CLEC1A: variants seen among roughly 807,000 people sequenced by gnomAD.
CLEC1A encodes the protein C-type lectin-like receptor-1.
A neutral mutation model predicts 28.7 loss-of-function variants in CLEC1A; 34 were observed. The ratio of observed to expected loss-of-function variants is 1.18; its 90% CI spans 0.90 to 1.57. CLEC1A has a LOEUF of 1.57. Ranked by LOEUF, CLEC1A falls within the 40% of genes most tolerant of loss-of-function variation. The pLI is 0.00. For synonymous variants in CLEC1A, 116 were observed against 121.0 expected (o/e 0.96, Z 0.27); for missense variants, 385 against 339.5 (o/e 1.13, Z -1.05).
intron 1 of CLEC1A, among the ~76,000 whole-genome samples, chr12:10,097,588 G>A (rs571502626): frequency 2.7e-4 from 41 of 151,872 alleles, no homozygotes; most frequent in Admixed American, 4.6e-4. Context: ...GTTGCAGCTA[G>A]TGTTTTATCT....
Position 10,098,984 on chromosome 12 carries a change from G to T in CLEC1A, c.-62C>A, listed in dbSNP as rs1445215537. ...GATTGCCCTGGGCCGCCGGGCTACT[G>T]TGAGCTAGTTCAGGAAGCAAGGCAC... is the stretch of plus-strand genomic sequence containing the variant. On this transcript the variant is annotated 5_prime_UTR_variant, in exon 1 of 6. Coordinates refer to ENST00000315330, the MANE Select transcript of CLEC1A (RefSeq NM_016511.4). 2.5e-6 allele frequency: 3 copies of T among 1,211,612 alleles called. No homozygotes were observed. In the African/African-American group the frequency reaches 4.5e-5, roughly 18 times the overall value. The allele number at this position is 1,211,612 out of a possible 1,614,324, so 75.1% of individuals were successfully genotyped here. A position where few individuals can be genotyped will look rare whatever the true frequency, so the allele number is the denominator to read the frequency against.
At chr12:10,072,691 C>T (rs1293841490) in intron 5 of CLEC1A, among the ~76,000 whole-genome samples, 4 of 151,874 alleles carry the variant, frequency 2.6e-5, no homozygotes, top group Non-Finnish European at 5.9e-5. Context: ...TGCAGTATGT[C>T]CCAGACACAA....
At chr12:10,089,060 G>T in intron 2 of CLEC1A, 64 bp downstream of exon 2, 1 of 1,219,222 alleles carries the variant, frequency 8.2e-7, no homozygotes, top group African/African-American at 1.5e-5. Context: ...TCCATAACAA[G>T]TGTTTCTCAT....
chr12:10,093,373 G>GAAAA (rs3052137), intron 1 of CLEC1A, among the ~76,000 whole-genome samples: 12,644 of 130,450 alleles, frequency 0.097, 830 homozygotes, highest in African/African-American at 0.12. Flanking sequence ...GATATATATA[G>GAAAA]AAAAAAAAAA....
intron 1 of CLEC1A, among the ~76,000 whole-genome samples, chr12:10,090,727 G>GT (rs551387564): frequency 1.3e-5 from 2 of 152,022 alleles, no homozygotes; most frequent in Non-Finnish European, 2.9e-5. Context: ...ATTTTTAAAT[G>GT]TGAATCTTAT....
intron 5 of CLEC1A, among the ~76,000 whole-genome samples, chr12:10,072,467 A>G (rs2137326489): frequency 6.6e-6 from 1 of 152,328 alleles, no homozygotes; most frequent in African/African-American, 2.4e-5. Flanking sequence ...CATTTTCAGC[A>G]AATCTTTTCT....
chr12:10,089,070 TC>T, intron 2 of CLEC1A, 53 bp downstream of exon 2: 1 of 1,349,670 alleles, frequency 7.4e-7, no homozygotes. Context: ...GTGTTTCTCA[TC>T]CTAGACAAAC....
chr12:10,081,232 C>T lies in CLEC1A; in HGVS notation c.391+5G>A. ...ATGGGGACAGAGTGACCAGGACACA[C>T]TTACCTCCAGCTTTGTTATACAGCT... On this transcript the variant is annotated splice_donor_5th_base_variant and intron_variant, in intron 3 of 5. Coordinates refer to ENST00000315330, the MANE Select transcript of CLEC1A (RefSeq NM_016511.4). The T allele has an allele frequency of 4.5e-6, 7 of 1,566,512 alleles. No individual in the cohort carries two copies. Among genetic ancestry groups the T allele is most frequent in the Non-Finnish European group, 5.2e-6 (6 of 1,157,352 alleles).
intron 4 of CLEC1A, among the ~76,000 whole-genome samples, chr12:10,074,353 G>A (rs1454393245): frequency 1.3e-5 from 2 of 152,162 alleles, no homozygotes; most frequent in South Asian, 2.1e-4. Context: ...TAGTCGTAGA[G>A]TGAACAGGTG....
chr12:10,094,913 G>A (rs1432288372), intron 1 of CLEC1A, among the ~76,000 whole-genome samples: 1 of 151,980 alleles, frequency 6.6e-6, no homozygotes, highest in Non-Finnish European at 1.5e-5. Context: ...TAGCCTCATG[G>A]GTCCAGATCA....
Position 10,075,461 on chromosome 12 carries a change from C to G in CLEC1A, c.543+43G>C, listed in dbSNP as rs368761124. The stretch of plus-strand genomic sequence containing the variant: ...TTCTTGCCTAATGCTTTTAAGGCCT[C>G]TTTTTGAAATCCTTCAAACATTGAA... On this transcript the variant is annotated intron_variant, in intron 4 of 5. Transcript: ENST00000315330. The G allele has an allele frequency of 2.5e-6, 4 of 1,602,884 alleles. No individual in the cohort carries two copies. In the African/African-American group the frequency reaches 5.4e-5, roughly 22 times the overall value.
At chr12:10,094,428 C>G (rs1448318678) in intron 1 of CLEC1A, among the ~76,000 whole-genome samples, 1 of 151,764 alleles carries the variant, frequency 6.6e-6, no homozygotes, top group Admixed American at 6.6e-5. Flanking sequence ...TTCTCCATGT[C>G]TTTATATAGA....
chr12:10,074,592 A>G (rs1866211815), intron 4 of CLEC1A, among the ~76,000 whole-genome samples: 1 of 152,220 alleles, frequency 6.6e-6, no homozygotes, highest in South Asian at 2.1e-4. Context: ...GAGGAATCAA[A>G]GAGAATAAGA....
At position 10,081,236 on chromosome 12, in the gene CLEC1A, C is replaced by A. The variant is rs778515518; in HGVS notation, c.391+1G>T. 45 of 1,574,140 alleles carry A rather than the reference C, an allele frequency of 2.9e-5. No individual in the cohort carries two copies. Among genetic ancestry groups the A allele is most frequent in the East Asian group, 2.6e-4 (11 of 43,074 alleles). On this transcript the variant is annotated splice_donor_variant, in intron 3 of 5. Coordinates refer to ENST00000315330, the MANE Select transcript of CLEC1A (RefSeq NM_016511.4). LOFTEE classifies it high-confidence loss of function. ...GGACAGAGTGACCAGGACACACTTA[C>A]CTCCAGCTTTGTTATACAGCTCACG...
intron 2 of CLEC1A, among the ~76,000 whole-genome samples, chr12:10,084,770 C>G (rs186185123): frequency 7.2e-6 from 1 of 138,076 alleles, no homozygotes; most frequent in Non-Finnish European, 1.5e-5. Context: ...TGCAGTGAAC[C>G]GAGATCGCGC....
chr12:10,071,244 C>G lies in CLEC1A; in HGVS notation c.*89G>C, dbSNP rs368197625. On this transcript the variant is annotated 3_prime_UTR_variant, in exon 6 of 6. Transcript: ENST00000315330. ...GTACTAGTCAGAGAGATAGTCTTTC[C>G]TGATTATGTTCCATTTCCCAATGTC... is the stretch of plus-strand genomic sequence containing the variant. The G allele has an allele frequency of 6.7e-5, 83 of 1,239,914 alleles. 1 individual carries two copies. Among genetic ancestry groups the G allele is most frequent in the East Asian group, 5.0e-4 (21 of 42,402 alleles). The allele number at this position is 1,239,914 out of a possible 1,614,324, so 76.8% of individuals were successfully genotyped here.
chr12:10,089,273 T>A, intron 1 of CLEC1A, 51 bp from the exon 2 acceptor site: 3 of 1,456,972 alleles, frequency 2.1e-6, no homozygotes, highest in Non-Finnish European at 2.9e-6. Flanking sequence ...TCCTCTTGCA[T>A]CTAAGTCAAT....
chr12:10,088,686 T>C (rs1170118671), intron 2 of CLEC1A, among the ~76,000 whole-genome samples: 1 of 151,978 alleles, frequency 6.6e-6, no homozygotes, highest in East Asian at 1.9e-4. Context: ...TTAAAAAATA[T>C]GGTGATTAAG....
In CLEC1A at chr12:10,081,361, C is replaced by G; in HGVS notation, c.267G>C (p.Met89Ile). Residue 89 changes from methionine to isoleucine, a missense_variant, in exon 3 of 6, where the codon ATG becomes ATC. Transcript: ENST00000315330. ...GGGACGTATTTCCTAATCTTTCTTCCATTTGAGAAATGGTGTCTTGACCAG... is the reference window on the plus strand; with the variant it reads ...GGGACGTATTTCCTAATCTTTCTTCGATTTGAGAAATGGTGTCTTGACCAG... ...SNTGQDTISQ[M>I]EERLGNTSQE... is the part of the protein sequence containing the mutation. 6.2e-7 allele frequency: 1 copy of G among 1,612,958 alleles called. No individual in the cohort carries two copies. Among genetic ancestry groups the G allele is most frequent in the Non-Finnish European group, 8.5e-7 (1 of 1,179,518 alleles).
Sources: gnomAD v4.1 joint callset for allele counts (sites outside exome capture counted in the v4.1 genomes callset) on GRCh38, gnomAD v4.1.1 for gene constraint, MANE v1.5 for transcripts, NCBI Gene and HGNC (gene_info 2026-07-23, HGNC 2026-07-21) for gene names.